The following SEH1L variants were observed in gnomAD, a reference collection of about 807,000 sequenced individuals.
The protein encoded by SEH1L is SEH1 like nucleoporin.
In SEH1L, 18 loss-of-function variants were observed where a neutral mutation model predicts 49.5. That is an observed-to-expected ratio of 0.36 (90% CI 0.25 to 0.54). The LOEUF (loss-of-function observed/expected upper bound fraction) is 0.54. Among genes scored for constraint, SEH1L ranks in the 20% least tolerant of loss-of-function variants. The pLI is 0.87. For synonymous variants in SEH1L, 169 were observed against 178.1 expected (o/e 0.95, Z 0.41); for missense variants, 404 against 528.8 (o/e 0.76, Z 2.31).
chr18:12,981,591 A>T (rs2145667265), intron 6 of SEH1L, among the ~76,000 whole-genome samples: 1 of 152,314 alleles, frequency 6.6e-6, no homozygotes, highest in African/African-American at 2.4e-5. Flanking sequence ...ATATAAATAT[A>T]TGTCTTTTTG....
At chr18:12,979,967 A>G (rs1598976447) in intron 6 of SEH1L, among the ~76,000 whole-genome samples, 1 of 101,178 alleles carries the variant, frequency 9.9e-6, no homozygotes. Context: ...GGTGCCCCTC[A>G]CCTCCCGGAC....
chr18:12,948,287 G>A (rs1320335449), intron 1 of SEH1L, 55 bp downstream of exon 1: 2 of 1,306,950 alleles, frequency 1.5e-6, no homozygotes, highest in Non-Finnish European at 1.1e-6. Context: ...AGGGGAGTGG[G>A]TGGGCGGCGC....
intron 6 of SEH1L, among the ~76,000 whole-genome samples, chr18:12,981,648 CTTTA>C (rs1568230646): frequency 2.0e-5 from 3 of 152,170 alleles, no homozygotes; most frequent in Admixed American, 6.5e-5. Context: ...CTTAACTGTG[CTTTA>C]TTTAGGCTGA....
At chr18:12,957,136 T>C (rs1262536597) in intron 3 of SEH1L, among the ~76,000 whole-genome samples, 2 of 152,020 alleles carry the variant, frequency 1.3e-5, no homozygotes, top group African/African-American at 4.8e-5. Context: ...TTAGGAAATA[T>C]ACTGTCCTCG....
intron 2 of SEH1L, among the ~76,000 whole-genome samples, chr18:12,952,202 AAAC>A (rs978420169): frequency 9.2e-5 from 14 of 151,710 alleles, no homozygotes; most frequent in Non-Finnish European, 1.8e-4. Context: ...TAAAAAAAAA[AAAC>A]AAAACCTTTA....
At chr18:12,981,896 G>A (rs182565135) in intron 6 of SEH1L, among the ~76,000 whole-genome samples, 112 of 109,180 alleles carry the variant, frequency 1.0e-3, no homozygotes, top group African/African-American at 4.0e-3. Context: ...GTCTCACTCC[G>A]TTGCCCAGGC....
At chr18:12,976,905 G>A (rs1395274980) in intron 5 of SEH1L, 1 of 151,330 alleles carries the variant, frequency 6.6e-6, no homozygotes, top group Non-Finnish European at 1.5e-5. Flanking sequence ...GAACCTGGGA[G>A]GCGGAGCTTG....
At chr18:12,954,474 AT>A (rs955499282) in intron 2 of SEH1L, among the ~76,000 whole-genome samples, 3 of 151,684 alleles carry the variant, frequency 2.0e-5, no homozygotes, top group South Asian at 2.1e-4. Flanking sequence ...GAAGCAAATA[AT>A]TTTTTTTTGG....
At chr18:12,964,615 A>G (rs758468908) in intron 4 of SEH1L, 1 of 144,078 alleles carries the variant, frequency 6.9e-6, no homozygotes, top group African/African-American at 2.6e-5. Flanking sequence ...TTTTTAGACT[A>G]TATATTTACT....
At chr18:12,977,359 C>T (rs1016969547) in intron 5 of SEH1L, 2 of 152,182 alleles carry the variant, frequency 1.3e-5, no homozygotes, top group African/African-American at 2.4e-5. Flanking sequence ...TCCTCTTATT[C>T]TGTATTTATA....
intron 5 of SEH1L, chr18:12,973,670 A>C (rs923426346): frequency 6.6e-6 from 1 of 152,210 alleles, no homozygotes; most frequent in African/African-American, 2.4e-5. Flanking sequence ...ATTGCATTTG[A>C]GTCTAGTCTC....
At chr18:12,949,704 C>T (rs1036491386) in intron 1 of SEH1L, among the ~76,000 whole-genome samples, 1 of 152,068 alleles carries the variant, frequency 6.6e-6, no homozygotes, top group Non-Finnish European at 1.5e-5. Flanking sequence ...CCGCCCACCT[C>T]GGCCTCCCAA....
At chr18:12,949,744 C>T (rs1836807797) in intron 1 of SEH1L, among the ~76,000 whole-genome samples, 1 of 152,050 alleles carries the variant, frequency 6.6e-6, no homozygotes, top group South Asian at 2.1e-4. Flanking sequence ...TGAGCCACCG[C>T]GCCCGGCCCA....
At chr18:12,963,105 C>T in intron 3 of SEH1L, 55 bp from the exon 4 acceptor site, 2 of 1,323,188 alleles carry the variant, frequency 1.5e-6, no homozygotes, top group Non-Finnish European at 2.1e-6. Context: ...GTCTTTTCCA[C>T]TCTACCATGC....
intron 2 of SEH1L, among the ~76,000 whole-genome samples, chr18:12,954,062 A>G (rs2030708246): frequency 6.6e-6 from 1 of 152,198 alleles, no homozygotes; most frequent in African/African-American, 2.4e-5. Flanking sequence ...TACAGAAAAG[A>G]CTGGACAAAA....
At position 12,957,483 on chromosome 18, in the gene SEH1L, G is replaced by A. The variant is rs186066573; in HGVS notation, c.309+1874G>A. 2.0e-5 allele frequency among the ~76,000 whole-genome samples: 3 copies of A among 152,072 alleles called. No homozygotes were observed. In the East Asian group the frequency reaches 5.8e-4, roughly 29 times the overall value. ...TACATCTGCTTTTATCGCTGTCTTT[G>A]CCTTATTGGATGTTTGAATTTGGGC... is the stretch of plus-strand genomic sequence containing the variant. On this transcript the variant is annotated intron_variant, in intron 3 of 8. Coordinates refer to ENST00000399892, the MANE Select transcript of SEH1L (RefSeq NM_001013437.2).
At chr18:12,956,135 C>G (rs2030841223) in intron 3 of SEH1L, among the ~76,000 whole-genome samples, 1 of 151,740 alleles carries the variant, frequency 6.6e-6, no homozygotes, top group Admixed American at 6.6e-5. Context: ...AGCTCCGCCT[C>G]CCGGGTTCAC....
chr18:12,979,021 G>A, intron 6 of SEH1L, 129 bp downstream of exon 6: 2 of 870,088 alleles, frequency 2.3e-6, no homozygotes, highest in Middle Eastern at 2.6e-4. Context: ...ACTTAAAAAT[G>A]TAAACTTTGA....
At chr18:12,981,130 C>A (rs1327852978) in intron 6 of SEH1L, among the ~76,000 whole-genome samples, 1 of 151,966 alleles carries the variant, frequency 6.6e-6, no homozygotes, top group Non-Finnish European at 1.5e-5. Flanking sequence ...AGATGCTCCC[C>A]ACATCTCAGA....
Sources: gnomAD v4.1 joint callset for allele counts (sites outside exome capture counted in the v4.1 genomes callset) on GRCh38, gnomAD v4.1.1 for gene constraint, MANE v1.5 for transcripts, NCBI Gene and HGNC (gene_info 2026-07-23, HGNC 2026-07-21) for gene names.